Variants in GLRB observed in about 807,000 individuals in gnomAD.
GLRB encodes the protein glycine receptor beta.
Under a neutral mutation model 54.2 loss-of-function variants are expected in GLRB, and 33 were observed. The observed-to-expected ratio is 0.61, with a 90% CI of 0.46 to 0.81. The LOEUF is 0.81. Among genes scored for constraint, GLRB ranks in the 40% least tolerant of loss-of-function variants. The probability of loss-of-function intolerance (pLI) is 0.00; values close to 1 mark genes in which losing one functional copy is unlikely to be tolerated. For synonymous variants in GLRB, 209 were observed against 208.2 expected, an observed-to-expected ratio of 1.00 and a Z score of -0.03; for missense variants, 572 against 584.6, an observed-to-expected ratio of 0.98 and a Z score of 0.22.
At chr4:157,169,284 A>C (rs1256769869) in intron 9 of GLRB, among the ~76,000 whole-genome samples, 3 of 152,144 alleles carry the variant, frequency 2.0e-5, no homozygotes, top group Admixed American at 6.5e-5. Context: ...AGCAAAACTC[A>C]ATGGTAAGAA....
At chr4:157,153,127 C>G (rs992734294) in intron 9 of GLRB, 117 bp downstream of exon 9, 1 of 928,944 alleles carries the variant, frequency 1.1e-6, no homozygotes, top group Admixed American at 1.9e-5. Flanking sequence ...TTGTTTTTCT[C>G]TCACAGATGA....
intron 4 of GLRB, among the ~76,000 whole-genome samples, chr4:157,124,742 C>T (rs1160398395): frequency 6.6e-6 from 1 of 151,732 alleles, no homozygotes; most frequent in East Asian, 1.9e-4. Flanking sequence ...TATTTATATT[C>T]ATTATTTCTT....
intron 9 of GLRB, among the ~76,000 whole-genome samples, chr4:157,159,952 C>A (rs1468826480): frequency 6.6e-6 from 1 of 152,126 alleles, no homozygotes; most frequent in Non-Finnish European, 1.5e-5. Context: ...GGCTGTGAAT[C>A]CATCTGGTCC....
At chr4:157,122,881 G>A (rs1002197138) in intron 4 of GLRB, among the ~76,000 whole-genome samples, 1 of 151,642 alleles carries the variant, frequency 6.6e-6, no homozygotes, top group Non-Finnish European at 1.5e-5. Flanking sequence ...ATAAGATAGG[G>A]CAATGTGAAC....
At chr4:157,145,766 C>T (rs76979831) in intron 8 of GLRB, among the ~76,000 whole-genome samples, 1,992 of 152,064 alleles carry the variant, frequency 0.013, 51 homozygotes, top group African/African-American at 0.045. Flanking sequence ...AGAAAGGCCA[C>T]AGTGAGAGGG....
At position 157,078,097 on chromosome 4, in the gene GLRB, A is replaced by G; in HGVS notation, c.73A>G (p.Lys25Glu). The change falls in exon 2 of 10, where the codon AAG (lysine) becomes GAG (glutamate). Residue 25 changes from lysine to glutamate, a missense_variant. Coordinates refer to ENST00000264428, the MANE Select transcript of GLRB (RefSeq NM_000824.5). ...LWVEEAYSKE[K>E]SSKKGKGKKK... The stretch of plus-strand genomic sequence containing the variant: ...GGTGGAAGAAGCCTATTCTAAGGAA[A>G]AGTCTTCAAAGAAAGGGAAGGGGAA... 1 of 1,610,646 alleles carries G rather than the reference A, an allele frequency of 6.2e-7. No individual in the cohort carries two copies. Among genetic ancestry groups the G allele is most frequent in the South Asian group, 1.1e-5 (1 of 91,004 alleles).
chr4:157,128,241 C>A (rs1736087241), intron 4 of GLRB, among the ~76,000 whole-genome samples: 1 of 151,680 alleles, frequency 6.6e-6, no homozygotes, highest in African/African-American at 2.4e-5. Context: ...GTCAAAGTTA[C>A]CTTTTTTTAG....
At chr4:157,080,350 A>G (rs1156654510) in intron 2 of GLRB, among the ~76,000 whole-genome samples, 1 of 152,308 alleles carries the variant, frequency 6.6e-6, no homozygotes, top group African/African-American at 2.4e-5. Flanking sequence ...AAAAATAATT[A>G]TGAGACTAGA....
intron 4 of GLRB, among the ~76,000 whole-genome samples, chr4:157,130,266 T>C (rs1736164944): frequency 6.6e-6 from 1 of 151,670 alleles, no homozygotes; most frequent in Non-Finnish European, 1.5e-5. Flanking sequence ...TTGCTGAAAG[T>C]AGTCAGTGTT....
At chr4:157,146,215 C>A (rs1736801489) in intron 8 of GLRB, among the ~76,000 whole-genome samples, 1 of 151,942 alleles carries the variant, frequency 6.6e-6, no homozygotes, top group Admixed American at 6.6e-5. Context: ...CAGGGTTTCA[C>A]CATGTCAGCC....
chr4:157,159,512 T>C (rs973330549), intron 9 of GLRB, among the ~76,000 whole-genome samples: 3 of 152,196 alleles, frequency 2.0e-5, no homozygotes, highest in Admixed American at 6.5e-5. Context: ...GTCCCATCAA[T>C]ACCTAATTTA....
At chr4:157,091,981 C>T (rs1011025013) in intron 2 of GLRB, among the ~76,000 whole-genome samples, 1 of 152,102 alleles carries the variant, frequency 6.6e-6, no homozygotes, top group South Asian at 2.1e-4. Context: ...TACAAAAAAT[C>T]AATGATGATA....
At chr4:157,131,106 C>T (rs1736199320) in intron 4 of GLRB, among the ~76,000 whole-genome samples, 1 of 151,516 alleles carries the variant, frequency 6.6e-6, no homozygotes, top group African/African-American at 2.4e-5. Flanking sequence ...CAGTCATAAC[C>T]CTAATCAATA....
intron 2 of GLRB, among the ~76,000 whole-genome samples, chr4:157,095,184 A>C (rs1264738286): frequency 6.6e-6 from 1 of 151,956 alleles, no homozygotes; most frequent in Non-Finnish European, 1.5e-5. Flanking sequence ...CAGCACGTAG[A>C]CTAGGAAGAG....
intron 2 of GLRB, among the ~76,000 whole-genome samples, chr4:157,090,825 A>G (rs1481823924): frequency 2.0e-5 from 3 of 152,174 alleles, no homozygotes; most frequent in Non-Finnish European, 4.4e-5. Context: ...TTATGATCTC[A>G]TTGGAATGTC....
intron 2 of GLRB, among the ~76,000 whole-genome samples, chr4:157,102,642 C>T (rs1453656992): frequency 6.6e-6 from 1 of 152,004 alleles, no homozygotes; most frequent in African/African-American, 2.4e-5. Flanking sequence ...GGAAGCACAG[C>T]CTCCAGCTTA....
intron 1 of GLRB, among the ~76,000 whole-genome samples, chr4:157,077,453 T>G (rs1734079279): frequency 6.6e-6 from 1 of 152,150 alleles, no homozygotes; most frequent in South Asian, 2.1e-4. Context: ...TGTGGAACTC[T>G]TTGATATTAA....
At chr4:157,131,303 A>G (rs1736207556) in intron 4 of GLRB, among the ~76,000 whole-genome samples, 1 of 151,700 alleles carries the variant, frequency 6.6e-6, no homozygotes, top group Non-Finnish European at 1.5e-5. Context: ...TTTTGCATTC[A>G]CTTTTTAAGA....
chr4:157,105,609 G>C (rs1276665437), intron 2 of GLRB, among the ~76,000 whole-genome samples: 2 of 151,900 alleles, frequency 1.3e-5, no homozygotes, highest in Non-Finnish European at 2.9e-5. Flanking sequence ...CTGAAAGTAG[G>C]GTATTGAAGT....
Sources: allele counts gnomAD v4.1 joint callset (sites outside exome capture counted in the v4.1 genomes callset), GRCh38; gene constraint gnomAD v4.1.1; transcripts MANE v1.5; gene names NCBI Gene and HGNC (gene_info 2026-07-23, HGNC 2026-07-21).